Variants in PINK1 observed in about 807,000 individuals in gnomAD.
PINK1 encodes PTEN induced kinase 1, also known as serine/threonine-protein kinase PINK1, mitochondrial.
In PINK1, 58 loss-of-function variants were observed where a neutral mutation model predicts 56.0. The ratio of observed to expected loss-of-function variants is 1.04; its 90% CI spans 0.84 to 1.29. The LOEUF is 1.29. Ranked by LOEUF, PINK1 falls within the 50% of genes most tolerant of loss-of-function variation. The pLI is 0.00. For missense variants in PINK1, 745 were observed against 777.9 expected, an observed-to-expected ratio of 0.96 and a Z score of 0.50; for synonymous variants, 354 against 339.3, an observed-to-expected ratio of 1.04 and a Z score of -0.48.
intron 5 of PINK1, among the ~76,000 whole-genome samples, chr1:20,646,167 C>A (rs2053178983): frequency 6.6e-6 from 1 of 152,016 alleles, no homozygotes; most frequent in African/African-American, 2.4e-5. Flanking sequence ...TGGTGGCATG[C>A]ACCTGTAGCC....
intron 3 of PINK1, among the ~76,000 whole-genome samples, chr1:20,644,048 T>C (rs1012896605): frequency 1.3e-5 from 2 of 150,194 alleles, no homozygotes; most frequent in Admixed American, 1.3e-4. Context: ...CTCTCTCTCC[T>C]CTCTCTAAAT....
At chr1:20,635,910 T>C (rs959456515) in intron 1 of PINK1, among the ~76,000 whole-genome samples, 1 of 152,308 alleles carries the variant, frequency 6.6e-6, no homozygotes, top group Non-Finnish European at 1.5e-5. Flanking sequence ...CTCATGCCTA[T>C]AATCCTGGTG....
chr1:20,633,517 C>T lies in PINK1; in HGVS notation c.-32C>T. The T allele has an allele frequency of 1.8e-6, 2 of 1,127,040 alleles. No individual in the cohort carries two copies. Among genetic ancestry groups the T allele is most frequent in the Non-Finnish European group, 2.2e-6 (2 of 921,640 alleles). The allele number at this position is 1,127,040 out of a possible 1,614,324, so 69.8% of individuals were successfully genotyped here. A position where few individuals can be genotyped will look rare whatever the true frequency, so the allele number is the denominator to read the frequency against. On this transcript the variant is annotated 5_prime_UTR_variant, in exon 1 of 8. Coordinates refer to ENST00000321556, the MANE Select transcript of PINK1 (RefSeq NM_032409.3). ...GGGACGCCGGTGGTGGCGGCAGCGG[C>T]GGCTGCGGGGGCACCGGGCCGCGGC... is the stretch of plus-strand genomic sequence containing the variant.
At chr1:20,640,480 ATGCT>A (rs1170799118) in intron 3 of PINK1, among the ~76,000 whole-genome samples, 1 of 152,150 alleles carries the variant, frequency 6.6e-6, no homozygotes, top group Admixed American at 6.5e-5. Flanking sequence ...AGAATCGAGT[ATGCT>A]TGGGCTGAGG....
intron 6 of PINK1, 116 bp downstream of exon 6, chr1:20,648,748 T>C: frequency 6.6e-7 from 1 of 1,520,490 alleles, no homozygotes; most frequent in Non-Finnish European, 8.9e-7. Context: ...GACCCATAAT[T>C]TGGCACAAGT....
chr1:20,645,759 G>T (rs1218909672), intron 5 of PINK1, 36 bp downstream of exon 5: 2 of 1,613,636 alleles, frequency 1.2e-6, no homozygotes, highest in South Asian at 1.1e-5. Flanking sequence ...CTCTCCAGGG[G>T]CACTAGAGGG....
At position 20,650,791 on chromosome 1, in the gene PINK1, C is replaced by A. The variant is rs542031461; in HGVS notation, c.*100C>A. The A allele has an allele frequency of 6.7e-6, 10 of 1,489,710 alleles. No homozygotes were observed. The South Asian group carries it at 1.1e-4, about 16-fold the overall frequency. The allele number at this position is 1,489,710 out of a possible 1,614,324, so 92.3% of individuals were successfully genotyped here. A position where few individuals can be genotyped will look rare whatever the true frequency, so the allele number is the denominator to read the frequency against. On this transcript the variant is annotated 3_prime_UTR_variant, in exon 8 of 8. Transcript: ENST00000321556. ...GGGTGGGAGTCAGGAGACAAGACAGCGCAGAGAGGGCTGGTTAGCCGGAAA... is the reference window on the plus strand; with the variant it reads ...GGGTGGGAGTCAGGAGACAAGACAGAGCAGAGAGGGCTGGTTAGCCGGAAA...
At chr1:20,635,586 T>C (rs4258193) in intron 1 of PINK1, among the ~76,000 whole-genome samples, 148,832 of 150,922 alleles carry the variant, frequency 0.99, 73,436 homozygotes, top group Middle Eastern at 1. Context: ...GGGTGGCTCA[T>C]GCCTGTAATC....
In PINK1 at chr1:20,649,251, C is replaced by T. The variant is rs572902458; in HGVS notation, c.1488+20C>T. The T allele has an allele frequency of 7.4e-5, 119 of 1,610,258 alleles. No individual in the cohort carries two copies. The highest frequency in any genetic ancestry group is 9.5e-5 in the Non-Finnish European group (112 of 1,176,752). Reference sequence around the variant, plus strand: ...AGCAAGGTGAGGCTGTCCCCGGCTTCGAGGGGACGGTGTGGGTAGAAACCT... The same window carrying T: ...AGCAAGGTGAGGCTGTCCCCGGCTTTGAGGGGACGGTGTGGGTAGAAACCT... On this transcript the variant is annotated intron_variant, in intron 7 of 7. Coordinates refer to ENST00000321556, the MANE Select transcript of PINK1 (RefSeq NM_032409.3).
chr1:20,645,799 C>G, intron 5 of PINK1, 76 bp downstream of exon 5: 2 of 1,554,332 alleles, frequency 1.3e-6, no homozygotes, highest in Admixed American at 1.7e-5. Flanking sequence ...ACTGACTCTT[C>G]AGGTCCTCTC....
intron 5 of PINK1, among the ~76,000 whole-genome samples, chr1:20,646,919 G>T (rs928805696): frequency 3.3e-5 from 5 of 151,694 alleles, no homozygotes; most frequent in Admixed American, 2.0e-4. Context: ...TTGCTTTGTT[G>T]CCCAGGCTGG....
chr1:20,638,343 T>C, intron 2 of PINK1: 1 of 628,826 alleles, frequency 1.6e-6, no homozygotes, highest in South Asian at 2.0e-5. Context: ...AGAGATCAGG[T>C]TCAAAGGTAG....
intron 1 of PINK1, among the ~76,000 whole-genome samples, chr1:20,635,806 G>A (rs944211921): frequency 3.3e-5 from 5 of 151,882 alleles, no homozygotes; most frequent in Non-Finnish European, 5.9e-5. Flanking sequence ...CCAAGATCGC[G>A]CCACTGCACT....
chr1:20,650,293 A>G, intron 7 of PINK1, 141 bp from the exon 8 acceptor site: 1 of 1,132,910 alleles, frequency 8.8e-7, no homozygotes, highest in African/African-American at 1.5e-5. Flanking sequence ...TTGTCACCTG[A>G]GTGAAGGGCA....
At chr1:20,637,681 C>T (rs1229720405) in intron 1 of PINK1, among the ~76,000 whole-genome samples, 161 bp from the exon 2 acceptor site, 1 of 152,094 alleles carries the variant, frequency 6.6e-6, no homozygotes, top group Non-Finnish European at 1.5e-5. Context: ...TGGCCTGGAC[C>T]CAGGCTGAGC....
At chr1:20,636,637 C>T (rs760818889) in intron 1 of PINK1, among the ~76,000 whole-genome samples, 3 of 152,172 alleles carry the variant, frequency 2.0e-5, no homozygotes, top group Admixed American at 6.5e-5. Context: ...CCACCACGCC[C>T]GGCCTGGACT....
rs1456150277 is a variant in PINK1, at chr1:20,633,789, T to C, written c.241T>C (p.Leu81=). 19 of 1,572,182 alleles carry C rather than the reference T, an allele frequency of 1.2e-5. No homozygotes were observed. The highest frequency in any genetic ancestry group is 1.8e-5 in the Admixed American group (1 of 55,156). Residue 81 remains leucine (L), a synonymous_variant, in exon 1 of 8, where the codon TTG becomes CTG. Coordinates refer to ENST00000321556, the MANE Select transcript of PINK1 (RefSeq NM_032409.3). Reference sequence around the variant, plus strand: ...GTCGGTGGCCGGGCTGGCGGCGCGGTTGCAGCGGCAGTTCGTGGTGCGGGC... The same window carrying C: ...GTCGGTGGCCGGGCTGGCGGCGCGGCTGCAGCGGCAGTTCGTGGTGCGGGC... ...RQSVAGLAAR[L]QRQFVVRAWG... is the part of the protein sequence containing the mutation.
chr1:20,644,518 G>A lies in PINK1; in HGVS notation c.805G>A (p.Ala269Thr), dbSNP rs2053151793. The A allele has an allele frequency of 1.9e-6, 3 of 1,614,062 alleles. No individual in the cohort carries two copies. Among genetic ancestry groups the A allele is most frequent in the Non-Finnish European group, 2.5e-6 (3 of 1,180,032 alleles). The change falls in exon 4 of 8, where the codon GCC (alanine) becomes ACC (threonine). Residue 269 changes from alanine to threonine, a missense_variant. Physicochemically the swap from Ala to Thr is moderately conservative, Grantham distance 58. Transcript: ENST00000321556. ...ATCCAAGAGAGGTCCCAAGCAACTA[G>A]CCCCTCACCCCAACATCATCCGGGT... ...RKSKRGPKQL[A>T]PHPNIIRVLR...
intron 1 of PINK1, among the ~76,000 whole-genome samples, chr1:20,635,944 A>C (rs1290621592): frequency 6.6e-6 from 1 of 152,200 alleles, no homozygotes; most frequent in Non-Finnish European, 1.5e-5. Flanking sequence ...AGGTGAGAGA[A>C]TCTCTTGAGC....
Sources: gnomAD v4.1 joint callset for allele counts (sites outside exome capture counted in the v4.1 genomes callset) on GRCh38, gnomAD v4.1.1 for gene constraint, MANE v1.5 for transcripts, NCBI Gene and HGNC (gene_info 2026-07-23, HGNC 2026-07-21) for gene names.